The following RNF217 variants were observed in gnomAD, a reference collection of about 807,000 sequenced individuals.
RNF217 encodes E3 ubiquitin-protein ligase RNF217.
In RNF217, 31 loss-of-function variants were observed where a neutral mutation model predicts 57.8. That is an observed-to-expected ratio of 0.54 (90% CI 0.40 to 0.72). The LOEUF (loss-of-function observed/expected upper bound fraction) is 0.72, where lower values mean the gene tolerates loss of function less well. Among genes scored for constraint, RNF217 ranks in the 30% least tolerant of loss-of-function variants. The pLI is 0.00. For synonymous variants in RNF217, 313 were observed against 294.0 expected, an observed-to-expected ratio of 1.06 and a Z score of -0.66; for missense variants, 696 against 708.3, an observed-to-expected ratio of 0.98 and a Z score of 0.20.
At chr6:125,034,500 A>G (rs1171037620) in intron 1 of RNF217, among the ~76,000 whole-genome samples, 2 of 151,996 alleles carry the variant, frequency 1.3e-5, no homozygotes, top group Non-Finnish European at 2.9e-5. Flanking sequence ...AAGATCAGAT[A>G]GTTGTAGATA....
chr6:125,031,101 G>T (rs1403513730), intron 1 of RNF217, among the ~76,000 whole-genome samples: 2 of 152,248 alleles, frequency 1.3e-5, no homozygotes, highest in Non-Finnish European at 2.9e-5. Context: ...CGAGCTGTAT[G>T]TTGGCCTCTT....
At chr6:125,004,467 G>A (rs907600053) in intron 1 of RNF217, among the ~76,000 whole-genome samples, 3 of 152,212 alleles carry the variant, frequency 2.0e-5, no homozygotes, top group Non-Finnish European at 4.4e-5. Flanking sequence ...GGGAAGATAA[G>A]CAGAACAGTG....
At chr6:124,972,381 T>C (rs539747178) in intron 1 of RNF217, among the ~76,000 whole-genome samples, 1 of 152,336 alleles carries the variant, frequency 6.6e-6, no homozygotes, top group South Asian at 2.1e-4. Flanking sequence ...GATGCTCTCT[T>C]GGCTCTCTCC....
chr6:125,060,260 C>T (rs1174855282), intron 3 of RNF217, among the ~76,000 whole-genome samples: 1 of 151,738 alleles, frequency 6.6e-6, no homozygotes, highest in Admixed American at 6.6e-5. Context: ...CACATAATGC[C>T]TCCAGGTAAA....
Position 125,089,555 on chromosome 6 carries a change from CAT to C in RNF217, c.*6619_*6620del, listed in dbSNP as rs1788873625. 6.6e-6 allele frequency: 1 copy of C among 152,126 alleles called. No individual in the cohort carries two copies. The highest frequency in any genetic ancestry group is 2.4e-5 in the African/African-American group (1 of 41,422). The allele number at this position is 152,126 out of a possible 1,614,324, so 9.4% of individuals were successfully genotyped here. On this transcript the variant is annotated 3_prime_UTR_variant, in exon 6 of 6. Transcript: ENST00000521654. ...GATATTAACCCTATTCTAGAGAAAA[CAT>C]TTGTCATTTGCAAGTGTTTGACTTT...
chr6:124,963,364 C>G lies in RNF217; in HGVS notation c.820C>G (p.Pro274Ala). The G allele has an allele frequency of 6.6e-7, 1 of 1,524,584 alleles. No homozygotes were observed. The highest frequency in any genetic ancestry group is 8.8e-7 in the Non-Finnish European group (1 of 1,141,806). The allele number at this position is 1,524,584 out of a possible 1,614,324, so 94.4% of individuals were successfully genotyped here. A position where few individuals can be genotyped will look rare whatever the true frequency, so the allele number is the denominator to read the frequency against. Reference protein sequence around the residue: ...RVCLEDKPIKPLPCCKKAVCE... With the variant: ...RVCLEDKPIKALPCCKKAVCE... ...GTGCCTGGAAGACAAGCCCATCAAGCCCCTGCCTTGCTGCAAGAAGGCCGT... is the reference window on the plus strand; with the variant it reads ...GTGCCTGGAAGACAAGCCCATCAAGGCCCTGCCTTGCTGCAAGAAGGCCGT... The change falls in exon 1 of 6, where the codon CCC becomes GCC. Residue 274 changes from proline to alanine, a missense_variant. Coordinates refer to ENST00000521654, the MANE Select transcript of RNF217 (RefSeq NM_001286398.3).
intron 1 of RNF217, among the ~76,000 whole-genome samples, chr6:125,026,920 A>C (rs1786114033): frequency 6.6e-6 from 1 of 152,114 alleles, no homozygotes; most frequent in Non-Finnish European, 1.5e-5. Flanking sequence ...TGGATACAGT[A>C]AATATTAATA....
chr6:124,993,229 T>C (rs1784628168), intron 1 of RNF217, among the ~76,000 whole-genome samples: 1 of 152,138 alleles, frequency 6.6e-6, no homozygotes, highest in African/African-American at 2.4e-5. Flanking sequence ...CCCCAAGAAA[T>C]TCTGATTTAG....
intron 1 of RNF217, chr6:125,008,632 T>C (rs369811513): frequency 1.3e-5 from 2 of 152,220 alleles, no homozygotes; most frequent in African/African-American, 4.8e-5. Flanking sequence ...TCCGTGGCTT[T>C]GTGCATTCAG....
At chr6:125,048,908 A>G (rs1371320939) in intron 2 of RNF217, among the ~76,000 whole-genome samples, 1 of 152,050 alleles carries the variant, frequency 6.6e-6, no homozygotes, top group Non-Finnish European at 1.5e-5. Flanking sequence ...CTCATACTAT[A>G]TCAAATAGAA....
chr6:124,996,565 G>A (rs892854810), intron 1 of RNF217: 5 of 152,014 alleles, frequency 3.3e-5, no homozygotes, highest in Admixed American at 6.6e-5. Flanking sequence ...TCTGAATTCT[G>A]TCCCCACAGC....
rs1190298481 is a variant in RNF217 at position 125,086,179 on chromosome 6, G to T, written c.*3242G>T. ...AGATGAGGTCATAGAGATAATATGA[G>T]ACCCTTTTTTGGATAAAAAGAAAGA... On this transcript the variant is annotated 3_prime_UTR_variant, in exon 6 of 6. Transcript: ENST00000521654. The T allele has an allele frequency of 6.6e-6, 1 of 151,914 alleles. No individual in the cohort carries two copies. The highest frequency in any genetic ancestry group is 6.6e-5 in the Admixed American group (1 of 15,230). 9.4% of individuals were successfully genotyped at this position (151,914 alleles called of 1,614,324 possible).
Position 124,962,929 on chromosome 6 carries a change from C to G in RNF217, c.385C>G (p.Pro129Ala). 1 of 1,597,798 alleles carries G rather than the reference C, an allele frequency of 6.3e-7. No homozygotes were observed. Among genetic ancestry groups the G allele is most frequent in the South Asian group, 1.1e-5 (1 of 91,046 alleles). The stretch of plus-strand genomic sequence containing the variant: ...AGGGGATGAACAGCAGGAGGCGCCC[C>G]CCGGCGAAGAGCTGGAGCCCAGGAC... Reference protein sequence around the residue: ...EGGDEQQEAPPGEELEPRTRV... With the variant: ...EGGDEQQEAPAGEELEPRTRV... The change falls in exon 1 of 6, where the codon CCC becomes GCC. Residue 129 changes from proline (P) to alanine (A), a missense_variant. Around this residue, in one of 2 missense-constraint regions of RNF217, gnomAD observed 465 missense variants for 386.8 expected, o/e 1.20. Coordinates refer to ENST00000521654, the MANE Select transcript of RNF217 (RefSeq NM_001286398.3). The surrounding 1 kb of genome is among the most constrained non-coding windows in gnomAD (Gnocchi z 4.6).
chr6:124,964,225 C>T (rs1270006094), intron 1 of RNF217, among the ~76,000 whole-genome samples: 3 of 152,204 alleles, frequency 2.0e-5, no homozygotes, highest in African/African-American at 7.2e-5. Context: ...CAGTGTTTTG[C>T]ACAATCCTGG....
At chr6:125,073,359 A>G (rs1196401071) in intron 3 of RNF217, among the ~76,000 whole-genome samples, 1 of 152,170 alleles carries the variant, frequency 6.6e-6, no homozygotes, top group Non-Finnish European at 1.5e-5. Context: ...ACAGAAAGCT[A>G]AAGGGCTTAA....
At chr6:125,038,656 A>C (rs988878636) in intron 1 of RNF217, among the ~76,000 whole-genome samples, 4 of 152,254 alleles carry the variant, frequency 2.6e-5, no homozygotes, top group Admixed American at 2.6e-4. Context: ...ATTAATACCA[A>C]CAAATCCCAA....
chr6:125,010,166 C>T (rs1292408991), intron 1 of RNF217, among the ~76,000 whole-genome samples: 5 of 151,902 alleles, frequency 3.3e-5, no homozygotes, highest in Non-Finnish European at 7.4e-5. Flanking sequence ...ACATTATGCT[C>T]GTTCAGTATT....
chr6:125,074,298 T>TAGATAGAC (rs1401291518), intron 3 of RNF217, among the ~76,000 whole-genome samples: 3 of 16,458 alleles, frequency 1.8e-4, no homozygotes, highest in Non-Finnish European at 2.9e-4. Context: ...AGAAGATAGG[T>TAGATAGAC]AGATAGATAG....
chr6:125,004,520 G>T (rs920610644), intron 1 of RNF217, among the ~76,000 whole-genome samples: 12 of 152,290 alleles, frequency 7.9e-5, no homozygotes, highest in Middle Eastern at 3.4e-3. Context: ...GCAAATTAAA[G>T]ATAACGAGAA....
Sources: gnomAD v4.1 joint callset for allele counts (sites outside exome capture counted in the v4.1 genomes callset) on GRCh38, gnomAD v4.1.1 for gene constraint, gnomAD v4.1.1 regional missense constraint, Gnocchi (gnomAD v3.1) non-coding constraint, MANE v1.5 for transcripts, NCBI Gene and HGNC (gene_info 2026-07-23, HGNC 2026-07-21) for gene names.